DNAH3: variants seen among roughly 807,000 people sequenced by gnomAD.
DNAH3 encodes the protein dynein axonemal heavy chain 3, also known as axonemal beta dynein heavy chain 3.
A neutral mutation model predicts 432.5 loss-of-function variants in DNAH3; 332 were observed. The ratio of observed to expected loss-of-function variants is 0.77; its 90% CI spans 0.70 to 0.84. The LOEUF is 0.84. DNAH3 is among the 40% of genes least tolerant of loss of function. The pLI is 0.00. For synonymous variants in DNAH3, 1,956 were observed against 1,900.2 expected (o/e 1.03, Z -0.76); for missense variants, 4,861 against 5,114.0 (o/e 0.95, Z 1.51).
chr16:21,099,430 T>TAA (rs143728094), intron 16 of DNAH3, among the ~76,000 whole-genome samples: 1 of 152,326 alleles, frequency 6.6e-6, no homozygotes, highest in East Asian at 1.9e-4. Flanking sequence ...AGGGCTACTG[T>TAA]AGCTACAGTG....
At chr16:20,943,039 G>A (rs1042211803) in intron 58 of DNAH3, among the ~76,000 whole-genome samples, 8 of 151,242 alleles carry the variant, frequency 5.3e-5, no homozygotes, top group East Asian at 2.0e-4. Context: ...TCCTCCTGCC[G>A]CAGCCCCCTT....
chr16:20,936,832 C>A (rs1255960730), exon 60 of DNAH3: 1 of 1,612,608 alleles, frequency 6.2e-7, no homozygotes, highest in Non-Finnish European at 8.5e-7. Flanking sequence ...TGATGAGGCT[C>A]CTCCGAACCA....
intron 31 of DNAH3, among the ~76,000 whole-genome samples, chr16:21,047,150 T>C: frequency 6.7e-6 from 1 of 149,842 alleles, no homozygotes; most frequent in East Asian, 2.0e-4. Flanking sequence ...GACAATTATG[T>C]GTCTTGGAGT....
chr16:21,109,619 AG>A (rs2092024675), intron 14 of DNAH3, among the ~76,000 whole-genome samples: 1 of 152,058 alleles, frequency 6.6e-6, no homozygotes, highest in Admixed American at 6.6e-5. Context: ...ATTTATTCTG[AG>A]GTAGGGTCTT....
chr16:20,953,728 T>C (rs371632181), intron 55 of DNAH3, among the ~76,000 whole-genome samples: 1 of 152,016 alleles, frequency 6.6e-6, no homozygotes, highest in East Asian at 1.9e-4. Flanking sequence ...TGTGCTACTA[T>C]GTCAGGCTAT....
intron 52 of DNAH3, among the ~76,000 whole-genome samples, chr16:20,969,278 A>ATGCATGTGTG (rs1027824482): frequency 1.4e-5 from 2 of 146,762 alleles, no homozygotes; most frequent in African/African-American, 5.0e-5. Flanking sequence ...CTCTGTGTGC[A>ATGCATGTGTG]TGCATGTGTG....
rs750487156 is a variant in DNAH3 at position 20,954,950 on chromosome 16, C to T, written c.10934G>A (p.Arg3645His). 5.3e-5 allele frequency: 86 copies of T among 1,614,020 alleles called. No homozygotes were observed. The East Asian group carries it at 7.6e-4, about 14-fold the overall frequency. Residue 3645 changes from arginine to histidine, a missense_variant, in exon 55 of 62, where the codon CGC becomes CAC. Physicochemically the swap from Arg to His is conservative, Grantham distance 29 (BLOSUM62 0). Transcript: ENST00000261383. ...TGAGATGGGGTCATTGAGGTAGGAGCGCAACAGGTTGGCCCGGAGCCCTTT... is the reference window on the plus strand; with the variant it reads ...TGAGATGGGGTCATTGAGGTAGGAGTGCAACAGGTTGGCCCGGAGCCCTTT...
At position 21,070,696 on chromosome 16, in the gene DNAH3, T is replaced by A. The variant is rs2090748829; in HGVS notation, c.3201+14A>T. On this transcript the variant is annotated intron_variant, in intron 22 of 61. Coordinates refer to ENST00000261383, the Ensembl canonical transcript of DNAH3. Reference sequence around the variant, plus strand: ...ACGAAACACCTCAAAGCATTCAACTTCATTTCCTCTTACCCGGCATTCTGC... The same window carrying A: ...ACGAAACACCTCAAAGCATTCAACTACATTTCCTCTTACCCGGCATTCTGC... 2 of 1,567,162 alleles carry A rather than the reference T, an allele frequency of 1.3e-6. No individual in the cohort carries two copies. Among genetic ancestry groups the A allele is most frequent in the Non-Finnish European group, 8.8e-7 (1 of 1,137,372 alleles).
intron 36 of DNAH3, 138 bp from the exon 37 acceptor site, chr16:21,031,424 C>T: frequency 2.7e-6 from 3 of 1,127,374 alleles, no homozygotes; most frequent in Non-Finnish European, 3.7e-6. Flanking sequence ...AAAACATGTG[C>T]TCAGTTTTTA....
intron 25 of DNAH3, among the ~76,000 whole-genome samples, chr16:21,061,693 T>A (rs993475799): frequency 5.3e-5 from 8 of 152,244 alleles, no homozygotes; most frequent in Non-Finnish European, 1.0e-4. Flanking sequence ...TTGAAATCAC[T>A]TGGAGATCTT....
intron 8 of DNAH3, among the ~76,000 whole-genome samples, 195 bp downstream of exon 9, chr16:21,127,492 C>T (rs1315650911): frequency 6.6e-6 from 1 of 151,404 alleles, no homozygotes; most frequent in Non-Finnish European, 1.5e-5. Context: ...ACCCGGGAGG[C>T]AGAAGTTGCA....
intron 58 of DNAH3, among the ~76,000 whole-genome samples, chr16:20,942,887 C>T (rs2083878617): frequency 6.6e-6 from 1 of 151,974 alleles, no homozygotes; most frequent in African/African-American, 2.4e-5. Flanking sequence ...GTTACTCTTT[C>T]AGGTTTTGGG....
chr16:21,090,887 C>T (rs190903130), intron 18 of DNAH3, among the ~76,000 whole-genome samples: 1 of 152,268 alleles, frequency 6.6e-6, no homozygotes, highest in Admixed American at 6.5e-5. Context: ...TGAGGTGGCT[C>T]ATGCCTGTAA....
chr16:21,111,721 A>G lies in DNAH3; in HGVS notation c.2004T>C (p.Ala668=), dbSNP rs370180694. The stretch of plus-strand genomic sequence containing the variant: ...CACAGAGATCATGATTTAGGGCCGT[A>G]GCATCAAGGCAGAACATGGCTAAAG... The change falls in exon 14 of 62, where the codon GCT becomes GCC. Residue 668 remains alanine, a synonymous_variant. Coordinates refer to ENST00000261383, the Ensembl canonical transcript of DNAH3. The G allele has an allele frequency of 4.6e-5, 74 of 1,614,014 alleles. No individual in the cohort carries two copies. The African/African-American group carries it at 9.1e-4, about 20-fold the overall frequency.
At chr16:21,115,875 T>C (rs1361500490) in intron 12 of DNAH3, among the ~76,000 whole-genome samples, 5 of 152,112 alleles carry the variant, frequency 3.3e-5, no homozygotes, top group Admixed American at 6.6e-5. Context: ...GGCTTCCAAA[T>C]ATGAGGCCAT....
intron 24 of DNAH3, 157 bp from the exon 25 acceptor site, chr16:21,062,840 G>A: frequency 1.6e-6 from 1 of 619,766 alleles, no homozygotes; most frequent in Non-Finnish European, 2.8e-6. Context: ...TTTTCATCTG[G>A]GGCATGGAAG....
At chr16:20,982,143 G>T (rs764508714) in intron 49 of DNAH3, among the ~76,000 whole-genome samples, 22 of 151,894 alleles carry the variant, frequency 1.4e-4, no homozygotes, top group South Asian at 4.2e-4. Context: ...CAGCACTTTG[G>T]GAGGCCAAGG....
At position 21,069,488 on chromosome 16, in the gene DNAH3, A is replaced by G. The variant is rs201048479; in HGVS notation, c.3308T>C (p.Ile1103Thr). ...CCTCCCCTCTTCTGGCATCTGGGCT[A>G]TGATGTCCTCTGAACTGAAGATTGG... The change falls in exon 23 of 62, where the codon ATA (isoleucine) becomes ACA (threonine). Residue 1103 changes from isoleucine to threonine, a missense_variant. Transcript: ENST00000261383. 404 of 1,614,184 alleles carry G rather than the reference A, an allele frequency of 2.5e-4. 3 individuals are homozygous for G. In the East Asian group the frequency reaches 8.2e-3, roughly 33 times the overall value.
exon 48 of DNAH3, chr16:20,985,100 T>A (rs762845345): frequency 3.1e-6 from 5 of 1,613,778 alleles, no homozygotes; most frequent in East Asian, 2.2e-5. Context: ...AAGTTATACA[T>A]AGAAAGAGGA....
Sources: allele counts gnomAD v4.1 joint callset (sites outside exome capture counted in the v4.1 genomes callset), GRCh38; gene constraint gnomAD v4.1.1; transcripts MANE v1.5; gene names NCBI Gene and HGNC (gene_info 2026-07-23, HGNC 2026-07-21).